The following C3orf18 variants were observed in gnomAD, a reference collection of about 807,000 sequenced individuals.
The protein encoded by C3orf18 is chromosome 3 open reading frame 18, also known as uncharacterized protein C3orf18.
Under a neutral mutation model 14.1 loss-of-function variants are expected in C3orf18, and 12 were observed. The ratio of observed to expected loss-of-function variants is 0.85; its 90% CI spans 0.55 to 1.38. The LOEUF is 1.38. Among genes scored for constraint, C3orf18 ranks in the 40% most tolerant of loss-of-function variants. The probability of loss-of-function intolerance (pLI) is 0.00; values close to 1 mark genes in which losing one functional copy is unlikely to be tolerated. For missense variants in C3orf18, 196 were observed against 213.9 expected (o/e 0.92, Z 0.52); for synonymous variants, 82 against 87.9 (o/e 0.93, Z 0.38).
chr3:50,562,615 C>T (rs1700057501), intron 3 of C3orf18: 1 of 452,982 alleles, frequency 2.2e-6, no homozygotes, highest in Non-Finnish European at 4.4e-6. Flanking sequence ...GAACCAGAGA[C>T]AGGCAGTGGC....
chr3:50,563,026 A>AT (rs1487858507), intron 3 of C3orf18, among the ~76,000 whole-genome samples: 6 of 152,158 alleles, frequency 3.9e-5, no homozygotes, highest in Non-Finnish European at 2.9e-5. Context: ...TACCAGGAGC[A>AT]TGACTACCTC....
upstream of C3orf18, chr3:50,572,048 C>T: frequency 6.2e-7 from 1 of 1,602,684 alleles, no homozygotes; most frequent in Non-Finnish European, 8.5e-7. Context: ...AGTGGTATCT[C>T]AACCCAGGCA....
intron 3 of C3orf18, among the ~76,000 whole-genome samples, chr3:50,563,335 G>T (rs1700100825): frequency 6.6e-6 from 1 of 151,992 alleles, no homozygotes; most frequent in Non-Finnish European, 1.5e-5. Flanking sequence ...AGCCCCTGTG[G>T]TCCCCACCTC....
At chr3:50,572,296 T>A, upstream of C3orf18, 1 of 1,464,930 alleles carries the variant, frequency 6.8e-7, no homozygotes, top group Non-Finnish European at 9.3e-7. Flanking sequence ...CAGGGGGCAC[T>A]GGGGCCCCAT....
Position 50,558,470 on chromosome 3 carries a change from A to C in C3orf18, c.*1187T>G. 1 of 342,916 alleles carries C rather than the reference A, an allele frequency of 2.9e-6. No individual in the cohort carries two copies. The highest frequency in any genetic ancestry group is 2.3e-5 in the South Asian group (1 of 43,112). 21.2% of individuals were successfully genotyped at this position (342,916 alleles called of 1,614,324 possible). A position where few individuals can be genotyped will look rare whatever the true frequency, so the allele number is the denominator to read the frequency against. On this transcript the variant is annotated 3_prime_UTR_variant, in exon 6 of 6. Coordinates refer to ENST00000357203, the MANE Select transcript of C3orf18 (RefSeq NM_016210.5). ...GCCAAGTGCAGGGACCCATCTCCCC[A>C]CTCTCTAAACACTGAACGGCTCTTC...
At chr3:50,573,193 A>T (rs1268289769), upstream of C3orf18, among the ~76,000 whole-genome samples, 4 of 151,912 alleles carry the variant, frequency 2.6e-5, no homozygotes, top group Non-Finnish European at 5.9e-5. Context: ...GGCCTTGCTG[A>T]AGTCACAGGG....
intron 1 of C3orf18, among the ~76,000 whole-genome samples, chr3:50,566,342 T>C (rs932764698): frequency 6.6e-6 from 1 of 152,000 alleles, no homozygotes; most frequent in Non-Finnish European, 1.5e-5. Flanking sequence ...GCTTAACTAG[T>C]GATCCCTAGA....
intron 3 of C3orf18, among the ~76,000 whole-genome samples, chr3:50,562,109 A>C (rs1242126230): frequency 6.6e-6 from 1 of 152,184 alleles, no homozygotes; most frequent in Non-Finnish European, 1.5e-5. Flanking sequence ...CATGTTGGCC[A>C]GGCTGGTCTT....
upstream of C3orf18, chr3:50,571,768 G>A (rs766642328): frequency 6.2e-7 from 1 of 1,614,198 alleles, no homozygotes; most frequent in Non-Finnish European, 8.5e-7. Flanking sequence ...CAACTACAGT[G>A]TATCCGGGAG....
At chr3:50,563,347 C>T (rs1700102042) in intron 3 of C3orf18, among the ~76,000 whole-genome samples, 1 of 152,084 alleles carries the variant, frequency 6.6e-6, no homozygotes, top group Non-Finnish European at 1.5e-5. Context: ...CCCCACCTCT[C>T]AGCCCTTGCC....
At chr3:50,559,939 G>T (rs1699863760) in intron 5 of C3orf18, among the ~76,000 whole-genome samples, 1 of 152,220 alleles carries the variant, frequency 6.6e-6, no homozygotes, top group Middle Eastern at 3.2e-3. Context: ...CTGTCACCTT[G>T]GAGGCACTTA....
chr3:50,559,329 C>A lies in C3orf18; in HGVS notation c.*328G>T. On this transcript the variant is annotated 3_prime_UTR_variant, in exon 6 of 6. Transcript: ENST00000357203. Reference sequence around the variant, plus strand: ...CTCCGTATCTCCCTCATTTCCTCCACATTAGCGGGGCAGACCCTGATGTGA... The same window carrying A: ...CTCCGTATCTCCCTCATTTCCTCCAAATTAGCGGGGCAGACCCTGATGTGA... 2 of 1,270,556 alleles carry A rather than the reference C, an allele frequency of 1.6e-6. No individual in the cohort carries two copies. The highest frequency in any genetic ancestry group is 2.0e-6 in the Non-Finnish European group (2 of 994,096). The allele number at this position is 1,270,556 out of a possible 1,614,324, so 78.7% of individuals were successfully genotyped here.
upstream of C3orf18, among the ~76,000 whole-genome samples, chr3:50,573,017 A>T (rs1276851627): frequency 6.6e-6 from 1 of 152,204 alleles, no homozygotes; most frequent in East Asian, 1.9e-4. Context: ...GTTAGTTCCC[A>T]TTCCCCTGCT....
chr3:50,561,180 T>A, intron 4 of C3orf18, 116 bp from the exon 5 acceptor site: 1 of 1,151,634 alleles, frequency 8.7e-7, no homozygotes, highest in Non-Finnish European at 1.2e-6. Context: ...CTTAGGGCCT[T>A]AAGGTTTCCC....
Position 50,559,215 on chromosome 3 carries a change from T to A in C3orf18, c.*442A>T, listed in dbSNP as rs1415815541. On this transcript the variant is annotated 3_prime_UTR_variant, in exon 6 of 6. Transcript: ENST00000357203. ...TCCCTATAACTTGGGTGGTTTCCTC[T>A]CCCCACCCCAGAGGAGGCTCCAGAT... The A allele has an allele frequency of 1.6e-6, 2 of 1,289,146 alleles. No individual in the cohort carries two copies. The highest frequency in any genetic ancestry group is 2.0e-6 in the Non-Finnish European group (2 of 989,034). 79.9% of individuals were successfully genotyped at this position (1,289,146 alleles called of 1,614,324 possible).
In C3orf18 at chr3:50,558,675, G is replaced by C; in HGVS notation, c.*982C>G. ...ACCCCAGATCCTCATTAGAGCCCAAGACAGGGAGCCGTTTTCAGAAGCAGG... is the reference window on the plus strand; with the variant it reads ...ACCCCAGATCCTCATTAGAGCCCAACACAGGGAGCCGTTTTCAGAAGCAGG... On this transcript the variant is annotated 3_prime_UTR_variant, in exon 6 of 6. Coordinates refer to ENST00000357203, the MANE Select transcript of C3orf18 (RefSeq NM_016210.5). 1 of 1,282,082 alleles carries C rather than the reference G, an allele frequency of 7.8e-7. No individual in the cohort carries two copies. Among genetic ancestry groups the C allele is most frequent in the East Asian group, 5.6e-5 (1 of 17,956 alleles). 79.4% of individuals were successfully genotyped at this position (1,282,082 alleles called of 1,614,324 possible). A position where few individuals can be genotyped will look rare whatever the true frequency, so the allele number is the denominator to read the frequency against.
intron 1 of C3orf18, 116 bp downstream of exon 1, chr3:50,567,330 ACCGCGACCTTCGAGAAC>A (rs1156386583): frequency 6.6e-6 from 1 of 152,392 alleles, no homozygotes; most frequent in Non-Finnish European, 1.5e-5. Flanking sequence ...AGGGGTCGGC[ACCGCGACCTTCGAGAAC>A]CCGCATGCTG....
chr3:50,571,986 C>G (rs1374481936), upstream of C3orf18: 1 of 1,485,342 alleles, frequency 6.7e-7, no homozygotes, highest in African/African-American at 1.4e-5. Flanking sequence ...GGTTTTGCCT[C>G]AGGAGTCCCA....
At chr3:50,571,251 TG>T (rs773101366), upstream of C3orf18, 49 of 1,613,478 alleles carry the variant, frequency 3.0e-5, no homozygotes, top group East Asian at 1.0e-3. Flanking sequence ...GCCACTGGAC[TG>T]GGGTCTTTGA....
Sources: allele counts gnomAD v4.1 joint callset (sites outside exome capture counted in the v4.1 genomes callset), GRCh38; gene constraint gnomAD v4.1.1; transcripts MANE v1.5; gene names NCBI Gene and HGNC (gene_info 2026-07-23, HGNC 2026-07-21).